Variants in HDAC6 observed in about 807,000 individuals in gnomAD.
HDAC6 encodes the protein histone deacetylase 6.
HDAC6 carries 5 observed loss-of-function variants against 88.9 expected under a neutral mutation model. That is an observed-to-expected ratio of 0.06 (90% confidence interval 0.03 to 0.12). The LOEUF is 0.12. Among genes scored for constraint, HDAC6 ranks in the 10% least tolerant of loss-of-function variants. The pLI, the probability that HDAC6 is intolerant of heterozygous loss-of-function variation, is 1.00. For synonymous variants in HDAC6, 378 were observed against 398.0 expected (o/e 0.95, Z 0.60); for missense variants, 706 against 1,014.4 (o/e 0.70, Z 4.13).
intron 28 of HDAC6, 43 bp downstream of exon 28, chrX:48,824,337 C>A (rs782342506): frequency 5.9e-6 from 7 of 1,182,559 alleles, no homozygotes; most frequent in Middle Eastern, 5.9e-4. Context: ...CACTCACCCC[C>A]CACACACACA....
chrX:48,815,428 G>A lies in HDAC6; in HGVS notation c.1194G>A (p.Ser398=), dbSNP rs57333741. ...LRALAEGVSA[S]LHTLLGDPCP... ...CCCTGGCTGAAGGCGTCAGTGCTTCGCTCCACACCCTTCTGGGAGACCCTT... is the reference window on the plus strand; with the variant it reads ...CCCTGGCTGAAGGCGTCAGTGCTTCACTCCACACCCTTCTGGGAGACCCTT... The change falls in exon 15 of 29, where the codon TCG becomes TCA. Residue 398 remains serine (S), a synonymous_variant. Transcript: ENST00000334136. 1.2e-5 allele frequency: 14 copies of A among 1,206,102 alleles called. No individual in the cohort carries two copies. The highest frequency in any genetic ancestry group is 1.6e-5 in the Non-Finnish European group (14 of 893,153).
In HDAC6 at chrX:48,816,163, C is replaced by T. The variant is rs1557027541; in HGVS notation, c.1516C>T (p.Arg506Cys). Residue 506 changes from arginine to cysteine, a missense_variant, in exon 18 of 29, where the codon CGC becomes TGC. By Grantham distance (180) the Arg-to-Cys change is radical. This residue lies in a region of HDAC6 where 106 missense variants were observed against 135.1 expected (regional missense o/e 0.78). Transcript: ENST00000334136. ...TAGCCACCACCCTGAGGTACCCCAG[C>T]GCATCTTGCGGATCATGTGCCGTCT... ...WDSHHPEVPQ[R>C]ILRIMCRLEE... The T allele has an allele frequency of 8.3e-7, 1 of 1,211,212 alleles. No individual in the cohort carries two copies. The highest frequency in any genetic ancestry group is 1.1e-6 in the Non-Finnish European group (1 of 895,481).
rs201822204 is a variant in HDAC6 at position 48,806,617 on chromosome X, C to T, written c.543C>T (p.Tyr181=). 15 of 1,203,843 alleles carry T rather than the reference C, an allele frequency of 1.2e-5. No individual in the cohort carries two copies. Among genetic ancestry groups the T allele is most frequent in the Non-Finnish European group, 1.6e-5 (14 of 889,742 alleles). ...CCCCACTGTCTCTCCAGAACTCATA[C>T]TCCTGTGCCTGCCTGGCCTCAGGCT... is the stretch of plus-strand genomic sequence containing the variant. ...YDSVYLHPNS[Y]SCACLASGSV... Residue 181 remains tyrosine, a synonymous_variant, in exon 8 of 29, where the codon TAC becomes TAT. Coordinates refer to ENST00000334136, the MANE Select transcript of HDAC6 (RefSeq NM_006044.4).
chrX:48,814,603 C>T lies in HDAC6; in HGVS notation c.933+37C>T, dbSNP rs782116929. ...CCCACCTCTGCCCCCAAAGTGAGGC[C>T]CAGCCCCGCCCTTCTGTCAGCGGCT... On this transcript the variant is annotated intron_variant, in intron 11 of 28. Coordinates refer to ENST00000334136, the MANE Select transcript of HDAC6 (RefSeq NM_006044.4). The T allele has an allele frequency of 3.3e-6, 4 of 1,206,899 alleles. No individual in the cohort carries two copies. In the East Asian group the frequency reaches 1.2e-4, roughly 36 times the overall value.
chrX:48,805,421 T>C lies in HDAC6; in HGVS notation c.312-17T>C. Reference sequence around the variant, plus strand: ...CAGTGTCCTCATGCATCTGTGACTGTGACTCCATCTCCCCAGCTTCCCGGA... The same window carrying C: ...CAGTGTCCTCATGCATCTGTGACTGCGACTCCATCTCCCCAGCTTCCCGGA... On this transcript the variant is annotated splice_polypyrimidine_tract_variant and intron_variant, in intron 4 of 28. Transcript: ENST00000334136. 2 of 1,180,922 alleles carry C rather than the reference T, an allele frequency of 1.7e-6. No homozygotes were observed. The highest frequency in any genetic ancestry group is 2.3e-6 in the Non-Finnish European group (2 of 869,612).
At chrX:48,803,921 G>T (rs955948078) in intron 4 of HDAC6, among the ~76,000 whole-genome samples, 4 of 112,389 alleles carry the variant, frequency 3.6e-5, no homozygotes, top group Admixed American at 9.4e-5. Context: ...CAGCACTTTG[G>T]GGGGGCCAAG....
At position 48,808,050 on chromosome X, in the gene HDAC6, C is replaced by T; in HGVS notation, c.650C>T (p.Ala217Val). 3 of 1,205,173 alleles carry T rather than the reference C, an allele frequency of 2.5e-6. No homozygotes were observed. The highest frequency in any genetic ancestry group is 3.4e-6 in the Non-Finnish European group (3 of 891,392). ...MAIIRPPGHH[A>V]QHSLMDGYCM... is the part of the protein sequence containing the mutation. ...TTGCCCAGGCCTCCTGGACATCACG[C>T]CCAGCACAGTCTTATGGATGGCTAT... The change falls in exon 9 of 29, where the codon GCC becomes GTC. Residue 217 changes from alanine to valine, a missense_variant. Physicochemically the swap from Ala to Val is moderately conservative, Grantham distance 64. This residue lies in a region of HDAC6 where 193 missense variants were observed against 258.2 expected (regional missense o/e 0.75). Coordinates refer to ENST00000334136, the MANE Select transcript of HDAC6 (RefSeq NM_006044.4).
Position 48,824,536 on chromosome X carries a change from C to T in HDAC6, c.3580-8C>T, listed in dbSNP as rs782372342. The T allele has an allele frequency of 3.9e-5, 47 of 1,204,445 alleles. No individual in the cohort carries two copies. The highest frequency in any genetic ancestry group is 5.2e-5 in the Non-Finnish European group (46 of 891,124). On this transcript the variant is annotated splice_polypyrimidine_tract_variant and splice_region_variant and intron_variant, in intron 28 of 28. Transcript: ENST00000334136. ...CTCTCACCTGCCCTATTCTTGCCTCCTCCTCAGGCTCTCCTAGATGTGAAG... is the reference window on the plus strand; with the variant it reads ...CTCTCACCTGCCCTATTCTTGCCTCTTCCTCAGGCTCTCCTAGATGTGAAG...
At chrX:48,820,064 C>T in intron 22 of HDAC6, 42 bp from the exon 23 acceptor site, 4 of 1,194,698 alleles carry the variant, frequency 3.3e-6, no homozygotes, top group Non-Finnish European at 4.5e-6. Context: ...TACCAAAAGC[C>T]CCTACCCTCA....
intron 23 of HDAC6, 49 bp downstream of exon 23, chrX:48,820,304 A>C (rs2063060666): frequency 9.4e-7 from 1 of 1,061,749 alleles, no homozygotes. Flanking sequence ...TAGTTTGGAA[A>C]TGTTGGCACC....
intron 6 of HDAC6, 99 bp from the exon 7 acceptor site, chrX:48,806,269 T>G: frequency 1.9e-6 from 1 of 534,563 alleles, no homozygotes. Context: ...GGTTGACAGT[T>G]GGGGGAGCCA....
chrX:48,803,958 T>C (rs1376774381), intron 4 of HDAC6, among the ~76,000 whole-genome samples: 1 of 111,770 alleles, frequency 8.9e-6, no homozygotes, highest in Non-Finnish European at 1.9e-5. Flanking sequence ...AGGTCAGGAG[T>C]TCGAGACCGG....
upstream of HDAC6, chrX:48,801,636 A>C (rs1407581741): frequency 8.0e-6 from 2 of 248,691 alleles, no homozygotes; most frequent in Non-Finnish European, 1.5e-5. Context: ...TAGGCGCAGC[A>C]CAGCTGGCGT....
Position 48,817,448 on chromosome X carries a change from G to A in HDAC6, c.1914G>A (p.Gly638=). Residue 638 remains glycine, a synonymous_variant, in exon 20 of 29, where the codon GGG becomes GGA. Coordinates refer to ENST00000334136, the MANE Select transcript of HDAC6 (RefSeq NM_006044.4). ...VAARHAQTIS[G]HALRILIVDW... ...CTCGCCATGCCCAGACTATCAGTGG[G>A]CATGCCCTACGGTAAGGACTCCCTG... 2 of 1,208,533 alleles carry A rather than the reference G, an allele frequency of 1.7e-6. No individual in the cohort carries two copies. The highest frequency in any genetic ancestry group is 4.4e-5 in the Admixed American group (2 of 45,887).
At chrX:48,814,222 A>G in intron 10 of HDAC6, 1 of 422,475 alleles carries the variant, frequency 2.4e-6, no homozygotes, top group Non-Finnish European at 4.1e-6. Context: ...GAATGAAAAA[A>G]TGGTAAGATG....
At position 48,802,326 on chromosome X, in the gene HDAC6, T is replaced by C; in HGVS notation, c.-31+184T>C. 6.8e-6 allele frequency: 6 copies of C among 880,875 alleles called. No individual in the cohort carries two copies. The South Asian group carries it at 1.8e-4, about 27-fold the overall frequency. The allele number at this position is 880,875 out of a possible 1,213,427, so 72.6% of individuals were successfully genotyped here. On this transcript the variant is annotated intron_variant, in intron 1 of 28. Transcript: ENST00000334136. Reference sequence around the variant, plus strand: ...GCTTAGAGGGTCTGGGAATGGGGCTTAGGAGAGTAGAAGGGGCGGTGATTG... The same window carrying C: ...GCTTAGAGGGTCTGGGAATGGGGCTCAGGAGAGTAGAAGGGGCGGTGATTG...
At position 48,808,079 on chromosome X, in the gene HDAC6, A is replaced by G; in HGVS notation, c.679A>G (p.Met227Val). 8.3e-7 allele frequency: 1 copy of G among 1,208,193 alleles called. No individual in the cohort carries two copies. Among genetic ancestry groups the G allele is most frequent in the Non-Finnish European group, 1.1e-6 (1 of 893,614 alleles). Residue 227 changes from methionine (M) to valine (V), a missense_variant, in exon 9 of 29, where the codon ATG becomes GTG. Transcript: ENST00000334136. ...GCACAGTCTTATGGATGGCTATTGC[A>G]TGTTCAACCACGTGGCTGTGGCAGC... is the stretch of plus-strand genomic sequence containing the variant. ...AQHSLMDGYCMFNHVAVAARY... is the reference protein window; with the variant it reads ...AQHSLMDGYCVFNHVAVAARY...
At chrX:48,803,026 C>G in intron 3 of HDAC6, 27 bp downstream of exon 3, 1 of 1,206,261 alleles carries the variant, frequency 8.3e-7, no homozygotes, top group East Asian at 3.0e-5. Context: ...TGCAGTTTAG[C>G]CTCGTATGAC....
At chrX:48,804,993 C>T (rs782629816) in intron 4 of HDAC6, among the ~76,000 whole-genome samples, 1 of 110,402 alleles carries the variant, frequency 9.1e-6, no homozygotes, top group Non-Finnish European at 1.9e-5. Flanking sequence ...AGGGAAGAGA[C>T]CAGTGTAGGT....
Sources: allele counts gnomAD v4.1 joint callset (sites outside exome capture counted in the v4.1 genomes callset), GRCh38; gene constraint gnomAD v4.1.1; regional missense constraint gnomAD v4.1.1; transcripts MANE v1.5; gene names NCBI Gene and HGNC (gene_info 2026-07-23, HGNC 2026-07-21).